Variants in GPR158 observed in about 807,000 individuals in gnomAD.
GPR158 encodes G protein-coupled receptor 158, also known as metabotropic glycine receptor.
GPR158 carries 30 observed loss-of-function variants against 78.2 expected under a neutral mutation model. That is an observed-to-expected ratio of 0.38 (90% CI 0.29 to 0.52). GPR158 has a LOEUF of 0.52. Among genes scored for constraint, GPR158 ranks in the 20% least tolerant of loss-of-function variants. The pLI, the probability that GPR158 is intolerant of heterozygous loss-of-function variation, is 0.83. For synonymous variants in GPR158, 581 were observed against 591.1 expected, an observed-to-expected ratio of 0.98 and a Z score of 0.25; for missense variants, 1,463 against 1,523.5, an observed-to-expected ratio of 0.96 and a Z score of 0.66.
intron 2 of GPR158, among the ~76,000 whole-genome samples, chr10:25,324,935 C>T (rs1406202036): frequency 1.3e-5 from 2 of 148,730 alleles, no homozygotes; most frequent in African/African-American, 5.0e-5. Flanking sequence ...TACTCCTGGG[C>T]TCAAGCAATC....
At chr10:25,546,416 T>A (rs1420444607) in intron 5 of GPR158, among the ~76,000 whole-genome samples, 2 of 152,156 alleles carry the variant, frequency 1.3e-5, no homozygotes, top group Admixed American at 6.6e-5. Context: ...TCATTTCAAG[T>A]ACAATCATCC....
At chr10:25,389,289 A>G (rs553263549) in intron 2 of GPR158, among the ~76,000 whole-genome samples, 11 of 152,252 alleles carry the variant, frequency 7.2e-5, no homozygotes, top group African/African-American at 2.4e-4. Context: ...ATGATGGGAC[A>G]ACCAACTGCA....
At chr10:25,288,029 A>G (rs1450238473) in intron 2 of GPR158, among the ~76,000 whole-genome samples, 2 of 149,326 alleles carry the variant, frequency 1.3e-5, no homozygotes, top group African/African-American at 5.1e-5. Flanking sequence ...TTATATCCAC[A>G]TTTCCATTAC....
intron 1 of GPR158, among the ~76,000 whole-genome samples, chr10:25,199,359 C>T (rs1454830007): frequency 1.3e-5 from 2 of 152,106 alleles, no homozygotes; most frequent in Non-Finnish European, 2.9e-5. Flanking sequence ...CCCTTATTTG[C>T]ATCCATGTGT....
chr10:25,550,447 A>G (rs1836712191), intron 5 of GPR158, among the ~76,000 whole-genome samples: 1 of 152,102 alleles, frequency 6.6e-6, no homozygotes, highest in South Asian at 2.1e-4. Flanking sequence ...AGACGGGGGA[A>G]AGGGATTGCC....
At chr10:25,428,301 TA>T (rs1454674257) in intron 4 of GPR158, among the ~76,000 whole-genome samples, 1 of 152,070 alleles carries the variant, frequency 6.6e-6, no homozygotes, top group Admixed American at 6.6e-5. Context: ...TCATTTTCTT[TA>T]AAATGACACA....
chr10:25,599,905 T>C lies in GPR158; in HGVS notation c.*631T>C, dbSNP rs1415421638. 6.5e-6 allele frequency: 1 copy of C among 152,754 alleles called. No homozygotes were observed. Among genetic ancestry groups the C allele is most frequent in the Non-Finnish European group, 1.5e-5 (1 of 68,106 alleles). The allele number at this position is 152,754 out of a possible 1,614,324, so 9.5% of individuals were successfully genotyped here. A position where few individuals can be genotyped will look rare whatever the true frequency, so the allele number is the denominator to read the frequency against. ...ATGCAATCTGCAGCTATTCAATTGT[T>C]ATTGCACCTTACAGAATACCTGCTA... On this transcript the variant is annotated 3_prime_UTR_variant, in exon 11 of 11. Coordinates refer to ENST00000376351, the MANE Select transcript of GPR158 (RefSeq NM_020752.3).
At chr10:25,243,953 T>A (rs558183492) in intron 2 of GPR158, 2 of 152,272 alleles carry the variant, frequency 1.3e-5, no homozygotes, top group Non-Finnish European at 2.9e-5. Context: ...TCTAGCTAAG[T>A]AGGAAAAGTG....
chr10:25,444,390 G>A (rs11014565), intron 4 of GPR158, among the ~76,000 whole-genome samples: 112,414 of 151,522 alleles, frequency 0.74, 42,653 homozygotes, highest in Non-Finnish European at 0.83. Flanking sequence ...AGGTGTGTAT[G>A]GGGGTGTCGT....
chr10:25,427,712 T>C (rs1834843643), intron 4 of GPR158, among the ~76,000 whole-genome samples: 1 of 152,120 alleles, frequency 6.6e-6, no homozygotes. Context: ...AATCTTATAC[T>C]TGATATGGAT....
At chr10:25,529,247 C>T (rs1340148814) in intron 5 of GPR158, among the ~76,000 whole-genome samples, 2 of 151,946 alleles carry the variant, frequency 1.3e-5, no homozygotes, top group Admixed American at 6.6e-5. Flanking sequence ...ATTAGCCGGG[C>T]GTGGTGGCGG....
intron 4 of GPR158, among the ~76,000 whole-genome samples, chr10:25,443,935 G>A (rs1042512054): frequency 6.6e-6 from 1 of 152,030 alleles, no homozygotes; most frequent in African/African-American, 2.4e-5. Flanking sequence ...TCCTATTGCA[G>A]TTTTGGGTAT....
chr10:25,569,847 T>TGTAA (rs774525420), intron 6 of GPR158, among the ~76,000 whole-genome samples: 2 of 152,226 alleles, frequency 1.3e-5, no homozygotes, highest in Non-Finnish European at 2.9e-5. Flanking sequence ...CTAGTTAAAT[T>TGTAA]GTAAGTTTCT....
chr10:25,338,469 T>A (rs12244083), intron 2 of GPR158, among the ~76,000 whole-genome samples: 13 of 136,598 alleles, frequency 9.5e-5, no homozygotes, highest in Admixed American at 2.9e-4. Context: ...ATTACGTATA[T>A]TATACGTATA....
intron 2 of GPR158, among the ~76,000 whole-genome samples, chr10:25,338,553 TA>T (rs1041645512): frequency 9.6e-4 from 53 of 55,138 alleles, no homozygotes; most frequent in African/African-American, 1.6e-3. Context: ...ACGTAATATA[TA>T]ATACGTATTG....
Position 25,340,149 on chromosome 10 carries a change from A to G in GPR158, c.1009-55762A>G, listed in dbSNP as rs72796133. 3.4e-3 allele frequency among the ~76,000 whole-genome samples: 518 copies of G among 151,992 alleles called. 2 individuals carry two copies. Among genetic ancestry groups the G allele is most frequent in the Non-Finnish European group, 5.0e-3 (340 of 67,950 alleles). On this transcript the variant is annotated intron_variant, in intron 2 of 10. Coordinates refer to ENST00000376351, the MANE Select transcript of GPR158 (RefSeq NM_020752.3). ...AGTAGAGTGCTCACCTCAGTGAGGTATTCTTCCCTCAGGATCTTGGATCCT... is the reference window on the plus strand; with the variant it reads ...AGTAGAGTGCTCACCTCAGTGAGGTGTTCTTCCCTCAGGATCTTGGATCCT...
chr10:25,310,650 GAAAGTTGC>G (rs2130461869), intron 2 of GPR158, among the ~76,000 whole-genome samples: 1 of 151,764 alleles, frequency 6.6e-6, no homozygotes, highest in East Asian at 1.9e-4. Flanking sequence ...TTATCTGTGA[GAAAGTTGC>G]AAATCTTTTC....
intron 2 of GPR158, among the ~76,000 whole-genome samples, chr10:25,379,647 C>CTTTTTTTTTTTTTT (rs11393897): frequency 9.3e-5 from 10 of 106,992 alleles, no homozygotes; most frequent in Non-Finnish European, 1.4e-4. Context: ...TGAGGATTAG[C>CTTTTTTTTTTTTTT]TTTTTTTTTT....
chr10:25,422,849 T>TTCC (rs768689471), intron 4 of GPR158, among the ~76,000 whole-genome samples: 2 of 64,784 alleles, frequency 3.1e-5, no homozygotes, highest in Admixed American at 1.3e-4. Flanking sequence ...TTTATTCCCT[T>TTCC]ACCCCCCCCA....
Sources: gnomAD v4.1 joint callset for allele counts (sites outside exome capture counted in the v4.1 genomes callset) on GRCh38, gnomAD v4.1.1 for gene constraint, MANE v1.5 for transcripts, NCBI Gene and HGNC (gene_info 2026-07-23, HGNC 2026-07-21) for gene names.